Variants in CSMD1 observed in about 807,000 individuals in gnomAD.
CSMD1 encodes CUB and sushi domain-containing protein 1.
Under a neutral mutation model 417.5 loss-of-function variants are expected in CSMD1, and 213 were observed. That is an observed-to-expected ratio of 0.51 (90% CI 0.46 to 0.57). The LOEUF (loss-of-function observed/expected upper bound fraction) is 0.57, where lower values mean the gene tolerates loss of function less well. Among genes scored for constraint, CSMD1 ranks in the 20% least tolerant of loss-of-function variants. The probability of loss-of-function intolerance (pLI) is 0.00; values close to 1 mark genes in which losing one functional copy is unlikely to be tolerated. For synonymous variants in CSMD1, 2,862 were observed against 1,736.8 expected (o/e 1.65, Z -16.11); for missense variants, 6,923 against 4,529.7 (o/e 1.53, Z -15.17).
chr8:3,359,107 C>A (rs1808987858), intron 21 of CSMD1, 45 bp downstream of exon 21: 7 of 1,594,238 alleles, frequency 4.4e-6, no homozygotes, highest in Admixed American at 3.3e-5. Context: ...CTGGGCTAGA[C>A]CCTGCCCCCA....
At chr8:4,806,711 C>G (rs1007888025) in intron 1 of CSMD1, among the ~76,000 whole-genome samples, 2 of 152,180 alleles carry the variant, frequency 1.3e-5, no homozygotes, top group African/African-American at 2.4e-5. Flanking sequence ...GTAGAGTATG[C>G]TTTGTTGAGC....
intron 23 of CSMD1, among the ~76,000 whole-genome samples, chr8:3,336,806 G>A (rs916386028): frequency 6.6e-6 from 1 of 152,130 alleles, no homozygotes. Flanking sequence ...GGGCTTCCAG[G>A]ACAGGCACAG....
intron 7 of CSMD1, among the ~76,000 whole-genome samples, chr8:3,670,960 A>C (rs1226643590): frequency 8.6e-6 from 1 of 116,448 alleles, no homozygotes; most frequent in Non-Finnish European, 1.8e-5. Flanking sequence ...TGTGTATGGG[A>C]TATATGTATA....
intron 11 of CSMD1, among the ~76,000 whole-genome samples, chr8:3,472,915 T>G (rs1335841742): frequency 6.6e-6 from 1 of 152,124 alleles, no homozygotes; most frequent in Non-Finnish European, 1.5e-5. Context: ...CGTACTTCTT[T>G]GATGTTTTTC....
chr8:4,935,188 T>G (rs1807523443), intron 1 of CSMD1, among the ~76,000 whole-genome samples: 1 of 152,210 alleles, frequency 6.6e-6, no homozygotes, highest in Admixed American at 6.5e-5. Flanking sequence ...GCCATGCTGT[T>G]TCACAGCTCT....
chr8:4,294,849 A>C (rs1456787423), intron 3 of CSMD1, among the ~76,000 whole-genome samples: 1 of 151,938 alleles, frequency 6.6e-6, no homozygotes, highest in East Asian at 1.9e-4. Flanking sequence ...TCCTAAAATA[A>C]TTCCAGAAAA....
chr8:3,885,274 G>A (rs966722885), intron 5 of CSMD1, among the ~76,000 whole-genome samples: 26 of 152,070 alleles, frequency 1.7e-4, no homozygotes, highest in African/African-American at 5.3e-4. Flanking sequence ...CATCAGACAG[G>A]TGTGAGTTAT....
chr8:4,745,255 T>C (rs188488688), intron 1 of CSMD1, among the ~76,000 whole-genome samples: 4 of 152,192 alleles, frequency 2.6e-5, no homozygotes, highest in South Asian at 4.1e-4. Flanking sequence ...CTAGAGAGAA[T>C]TGTATTTTTC....
intron 11 of CSMD1, among the ~76,000 whole-genome samples, chr8:3,487,136 TG>T (rs1197310695): frequency 6.6e-6 from 1 of 152,190 alleles, no homozygotes; most frequent in African/African-American, 2.4e-5. Context: ...AGAAATGACT[TG>T]GTTATTCCAG....
At chr8:3,751,923 T>C (rs1366084266) in intron 6 of CSMD1, among the ~76,000 whole-genome samples, 2 of 152,210 alleles carry the variant, frequency 1.3e-5, no homozygotes, top group African/African-American at 4.8e-5. Context: ...TAACTGACTA[T>C]AGGATCAGTC....
At chr8:4,051,869 C>T (rs57519865) in intron 3 of CSMD1, among the ~76,000 whole-genome samples, 87,598 of 126,390 alleles carry the variant, frequency 0.69, 30,512 homozygotes, top group South Asian at 0.74. Context: ...TCTTTCTTTC[C>T]TTCCTCCTTT....
chr8:4,079,530 G>C (rs1800012426), intron 3 of CSMD1, among the ~76,000 whole-genome samples: 1 of 152,116 alleles, frequency 6.6e-6, no homozygotes, highest in Non-Finnish European at 1.5e-5. Flanking sequence ...CTGCACATCT[G>C]ATGCCAAAAC....
chr8:4,771,279 C>G (rs1272190727), intron 1 of CSMD1, among the ~76,000 whole-genome samples: 1 of 152,126 alleles, frequency 6.6e-6, no homozygotes, highest in Non-Finnish European at 1.5e-5. Flanking sequence ...TTTCTAATAC[C>G]AATGTTCTCT....
chr8:4,920,674 T>C (rs1426964449), intron 1 of CSMD1, among the ~76,000 whole-genome samples: 4 of 151,676 alleles, frequency 2.6e-5, no homozygotes, highest in African/African-American at 4.9e-5. Flanking sequence ...ACCAAAAAAA[T>C]AGCCATGCGT....
At chr8:4,979,775 C>T (rs1198390753) in intron 1 of CSMD1, among the ~76,000 whole-genome samples, 6 of 152,288 alleles carry the variant, frequency 3.9e-5, no homozygotes, top group East Asian at 1.9e-4. Context: ...TGGTGGCTCA[C>T]GCCTGTAATC....
chr8:4,055,090 G>A (rs532057892), intron 3 of CSMD1, among the ~76,000 whole-genome samples: 1 of 152,120 alleles, frequency 6.6e-6, no homozygotes, highest in African/African-American at 2.4e-5. Flanking sequence ...GAGATTATTA[G>A]TAACACATTT....
intron 1 of CSMD1, among the ~76,000 whole-genome samples, chr8:4,993,315 G>T (rs1364719492): frequency 6.6e-6 from 1 of 152,198 alleles, no homozygotes; most frequent in Non-Finnish European, 1.5e-5. Flanking sequence ...GATAAAGAAA[G>T]CATCTAAGGA....
At chr8:3,398,707 C>T (rs760821132) in intron 16 of CSMD1, among the ~76,000 whole-genome samples, 7 of 152,094 alleles carry the variant, frequency 4.6e-5, no homozygotes, top group Non-Finnish European at 8.8e-5. Context: ...TCATGTTGCT[C>T]ATGACAAAAT....
chr8:3,613,692 G>C (rs541178572), intron 8 of CSMD1, among the ~76,000 whole-genome samples: 96 of 137,640 alleles, frequency 7.0e-4, no homozygotes, highest in African/African-American at 2.4e-3. Context: ...CCAAATTCAT[G>C]TCAGATTAAA....
Sources: gnomAD v4.1 joint callset for allele counts (sites outside exome capture counted in the v4.1 genomes callset) on GRCh38, gnomAD v4.1.1 for gene constraint, MANE v1.5 for transcripts, NCBI Gene and HGNC (gene_info 2026-07-23, HGNC 2026-07-21) for gene names.